Variants in ANKRD27 observed in about 807,000 individuals in gnomAD.
The protein encoded by ANKRD27 is ankyrin repeat domain-containing protein 27.
A neutral mutation model predicts 129.7 loss-of-function variants in ANKRD27; 112 were observed. The ratio of observed to expected loss-of-function variants is 0.86; its 90% CI spans 0.74 to 1.01. ANKRD27 has a LOEUF of 1.01. Ranked by LOEUF, ANKRD27 falls within the 50% of genes least tolerant of loss-of-function variation. The probability of loss-of-function intolerance (pLI) is 0.00; values close to 1 mark genes in which losing one functional copy is unlikely to be tolerated. For synonymous variants in ANKRD27, 516 were observed against 511.2 expected (o/e 1.01, Z -0.13); for missense variants, 1,258 against 1,300.5 (o/e 0.97, Z 0.50).
chr19:32,659,047 T>G lies in ANKRD27; in HGVS notation c.-30-2A>C. Reference sequence around the variant, plus strand: ...TTCAGATGGGTCAGAGCAAATCTCCTGCAATAAGGGAGGGAAAAGCAGTGA... The same window carrying G: ...TTCAGATGGGTCAGAGCAAATCTCCGGCAATAAGGGAGGGAAAAGCAGTGA... On this transcript the variant is annotated splice_acceptor_variant, in intron 1 of 28. Coordinates refer to ENST00000306065, the MANE Select transcript of ANKRD27 (RefSeq NM_032139.3). LOFTEE classifies it low-confidence loss of function (5UTR_SPLICE). 1.3e-6 allele frequency: 2 copies of G among 1,505,470 alleles called. No individual in the cohort carries two copies. Among genetic ancestry groups the G allele is most frequent in the Non-Finnish European group, 1.8e-6 (2 of 1,081,388 alleles). The allele number at this position is 1,505,470 out of a possible 1,614,324, so 93.3% of individuals were successfully genotyped here. A position where few individuals can be genotyped will look rare whatever the true frequency, so the allele number is the denominator to read the frequency against.
chr19:32,622,922 C>CAT, intron 17 of ANKRD27, among the ~76,000 whole-genome samples: 1 of 151,240 alleles, frequency 6.6e-6, no homozygotes, highest in South Asian at 2.1e-4. Flanking sequence ...GGACTACAAG[C>CAT]ATGCACCACC....
chr19:32,646,313 T>C, intron 4 of ANKRD27, 146 bp downstream of exon 4: 2 of 673,248 alleles, frequency 3.0e-6, no homozygotes, highest in Non-Finnish European at 4.8e-6. Flanking sequence ...AAGTGATCCT[T>C]GTGCCTCGGC....
intron 13 of ANKRD27, among the ~76,000 whole-genome samples, chr19:32,630,560 G>C (rs1007243711): frequency 1.3e-5 from 2 of 152,238 alleles, no homozygotes; most frequent in African/African-American, 2.4e-5. Context: ...GTAGTATTGC[G>C]AGGAACTGAG....
intron 13 of ANKRD27, 84 bp from the exon 14 acceptor site, chr19:32,628,933 T>G: frequency 6.6e-7 from 1 of 1,515,276 alleles, no homozygotes. Flanking sequence ...CCTTTTTGGT[T>G]TTTTTGAGAT....
At chr19:32,656,075 GAAA>G (rs1967518280) in intron 2 of ANKRD27, among the ~76,000 whole-genome samples, 1 of 21,322 alleles carries the variant, frequency 4.7e-5, no homozygotes, top group African/African-American at 1.2e-4. Flanking sequence ...AAGAAAGAAA[GAAA>G]GAAAGAAAGA....
chr19:32,628,909 A>G, intron 13 of ANKRD27, 60 bp from the exon 14 acceptor site: 1 of 1,595,366 alleles, frequency 6.3e-7, no homozygotes, highest in Non-Finnish European at 8.6e-7. Flanking sequence ...ATTAGGAGTA[A>G]ATTTTTTGAG....
intron 3 of ANKRD27, among the ~76,000 whole-genome samples, chr19:32,647,539 T>C (rs1191337955): frequency 6.6e-6 from 1 of 152,100 alleles, no homozygotes; most frequent in African/African-American, 2.4e-5. Flanking sequence ...GGCCACAGTG[T>C]CCTCACTGGG....
chr19:32,614,372 C>G (rs551488196), intron 22 of ANKRD27, among the ~76,000 whole-genome samples: 8 of 152,200 alleles, frequency 5.3e-5, no homozygotes, highest in African/African-American at 1.9e-4. Context: ...AGTGTTCTGT[C>G]TTTTTGAGAC....
At chr19:32,608,139 G>A (rs1971777138) in intron 22 of ANKRD27, among the ~76,000 whole-genome samples, 1 of 151,104 alleles carries the variant, frequency 6.6e-6, no homozygotes, top group South Asian at 2.1e-4. Flanking sequence ...AAGTAGCTAG[G>A]TCCACAGGTG....
intron 1 of ANKRD27, among the ~76,000 whole-genome samples, chr19:32,665,979 G>A (rs1967746987): frequency 6.6e-6 from 1 of 151,930 alleles, no homozygotes; most frequent in South Asian, 2.1e-4. Flanking sequence ...TGTTGGCCAG[G>A]CTGGTCTTGA....
intron 23 of ANKRD27, among the ~76,000 whole-genome samples, 197 bp from the exon 24 acceptor site, chr19:32,606,151 CTT>C (rs11325326): frequency 1.5e-3 from 189 of 125,516 alleles, no homozygotes; most frequent in Admixed American, 3.1e-3. Flanking sequence ...GTTTTTCTTT[CTT>C]TTTTTTTTTT....
At chr19:32,611,042 G>C (rs56788970) in intron 22 of ANKRD27, among the ~76,000 whole-genome samples, 2,661 of 152,256 alleles carry the variant, frequency 0.017, 81 homozygotes, top group African/African-American at 0.06. Context: ...AGGATGGGGG[G>C]AGTGGATTTT....
At chr19:32,598,493 A>T in intron 28 of ANKRD27, 115 bp from the exon 29 acceptor site, 1 of 902,078 alleles carries the variant, frequency 1.1e-6, no homozygotes, top group Middle Eastern at 2.4e-4. Context: ...TCAGTGCTTG[A>T]CAGGCATAAT....
At chr19:32,651,827 G>A (rs1056505640) in intron 2 of ANKRD27, among the ~76,000 whole-genome samples, 1 of 152,174 alleles carries the variant, frequency 6.6e-6, no homozygotes, top group African/African-American at 2.4e-5. Context: ...TGCTGGACAC[G>A]AGGCAGGTGC....
chr19:32,617,836 C>A (rs1440051224), intron 20 of ANKRD27, among the ~76,000 whole-genome samples: 1 of 151,134 alleles, frequency 6.6e-6, no homozygotes, highest in Non-Finnish European at 1.5e-5. Context: ...CTCACCGCAA[C>A]CTCCGCCTCC....
intron 24 of ANKRD27, among the ~76,000 whole-genome samples, chr19:32,604,845 GT>G (rs1205831630): frequency 6.6e-6 from 1 of 152,052 alleles, no homozygotes; most frequent in Non-Finnish European, 1.5e-5. Context: ...ATCACCTGAG[GT>G]CAGGAGTTCA....
intron 22 of ANKRD27, among the ~76,000 whole-genome samples, chr19:32,613,706 CTTTTTTTTT>C (rs58394462): frequency 7.5e-6 from 1 of 132,994 alleles, no homozygotes; most frequent in East Asian, 2.2e-4. Flanking sequence ...ATTTATGTAA[CTTTTTTTTT>C]TTTTTTTTTT....
intron 21 of ANKRD27, among the ~76,000 whole-genome samples, chr19:32,616,608 AG>A (rs1354590794): frequency 6.6e-6 from 1 of 151,278 alleles, no homozygotes; most frequent in Admixed American, 6.6e-5. Flanking sequence ...AAGGCAAGCC[AG>A]GGGAACCTGT....
At chr19:32,626,027 C>T (rs2145281485) in intron 16 of ANKRD27, 61 bp from the exon 17 acceptor site, 1 of 1,417,508 alleles carries the variant, frequency 7.1e-7, no homozygotes, top group South Asian at 1.4e-5. Context: ...GGCCCGGCCT[C>T]CAGTCTTAGC....
Sources: gnomAD v4.1 joint callset for allele counts (sites outside exome capture counted in the v4.1 genomes callset) on GRCh38, gnomAD v4.1.1 for gene constraint, MANE v1.5 for transcripts, NCBI Gene and HGNC (gene_info 2026-07-23, HGNC 2026-07-21) for gene names.